WWOX: variants seen among roughly 807,000 people sequenced by gnomAD.
WWOX encodes the protein WW domain-containing oxidoreductase.
A neutral mutation model predicts 46.2 loss-of-function variants in WWOX; 69 were observed. That is an observed-to-expected ratio of 1.49 (90% CI 1.23 to 1.82). The LOEUF is 1.82. Among genes scored for constraint, WWOX ranks in the 40% most tolerant of loss-of-function variants. WWOX has a pLI of 0.00. For missense variants in WWOX, 919 were observed against 542.6 expected, an observed-to-expected ratio of 1.69 and a Z score of -6.89; for synonymous variants, 359 against 202.6, an observed-to-expected ratio of 1.77 and a Z score of -6.56.
At chr16:78,620,287 A>C (rs1416907916) in intron 8 of WWOX, among the ~76,000 whole-genome samples, 1 of 152,196 alleles carries the variant, frequency 6.6e-6, no homozygotes, top group Non-Finnish European at 1.5e-5. Context: ...GGATTGGCCC[A>C]TGGCTTTCTG....
chr16:78,216,014 C>T (rs8063888), intron 5 of WWOX, among the ~76,000 whole-genome samples: 31,113 of 151,962 alleles, frequency 0.2, 4,656 homozygotes, highest in East Asian at 0.4. Flanking sequence ...CTAACTGGCT[C>T]CTGGCAGGAC....
chr16:78,181,911 A>G (rs947453421), intron 5 of WWOX, among the ~76,000 whole-genome samples: 1 of 152,066 alleles, frequency 6.6e-6, no homozygotes, highest in Admixed American at 6.6e-5. Context: ...TAAATAGCCC[A>G]CCCCATCAAC....
intron 8 of WWOX, among the ~76,000 whole-genome samples, chr16:78,836,451 C>T (rs1254721179): frequency 6.6e-6 from 1 of 152,162 alleles, no homozygotes; most frequent in African/African-American, 2.4e-5. Context: ...ACTGTGGACC[C>T]ACCTGAAGGG....
Position 78,217,283 on chromosome 16 carries a change from G to A in WWOX, c.516+52994G>A, listed in dbSNP as rs370568172. ...CCTTGCAGGATATGTGGAGTTATCAGTTCCTAGCACCACTGGCCAAAGCGA... is the reference window on the plus strand; with the variant it reads ...CCTTGCAGGATATGTGGAGTTATCAATTCCTAGCACCACTGGCCAAAGCGA... On this transcript the variant is annotated intron_variant, in intron 5 of 8. Coordinates refer to ENST00000566780, the MANE Select transcript of WWOX (RefSeq NM_016373.4). Among the ~76,000 whole-genome samples the A allele has an allele frequency of 2.2e-3, 339 of 152,300 alleles. 1 individual carries two copies. Among genetic ancestry groups the A allele is most frequent in the African/African-American group, 7.7e-3 (322 of 41,550 alleles).
At chr16:78,947,814 C>G (rs1404452798) in intron 8 of WWOX, among the ~76,000 whole-genome samples, 1 of 152,034 alleles carries the variant, frequency 6.6e-6, no homozygotes, top group Admixed American at 6.6e-5. Flanking sequence ...GCATAAAAGC[C>G]AAAATATGTA....
intron 4 of WWOX, among the ~76,000 whole-genome samples, chr16:78,141,401 C>T (rs1256119020): frequency 2.0e-5 from 3 of 150,650 alleles, no homozygotes; most frequent in Non-Finnish European, 2.9e-5. Flanking sequence ...GATTCTAGAC[C>T]ACTGGATGTC....
intron 8 of WWOX, among the ~76,000 whole-genome samples, chr16:78,988,576 C>T (rs113025008): frequency 0.013 from 1,995 of 152,136 alleles, 59 homozygotes; most frequent in African/African-American, 0.046. Flanking sequence ...TAAACATCCC[C>T]GCCCCTTCAA....
chr16:79,131,629 A>G (rs910415034), intron 8 of WWOX, among the ~76,000 whole-genome samples: 1 of 152,280 alleles, frequency 6.6e-6, no homozygotes, highest in African/African-American at 2.4e-5. Flanking sequence ...GGAAGGATAT[A>G]TATTGAGGCT....
At chr16:78,839,195 C>G (rs868857167) in intron 8 of WWOX, among the ~76,000 whole-genome samples, 1 of 152,130 alleles carries the variant, frequency 6.6e-6, no homozygotes, top group Non-Finnish European at 1.5e-5. Context: ...CAAGTAAATT[C>G]AAATCACCCA....
rs897421077 is a variant in WWOX at position 78,217,789 on chromosome 16, G to A, written c.516+53500G>A. 3.9e-5 allele frequency among the ~76,000 whole-genome samples: 6 copies of A among 152,322 alleles called. No individual in the cohort carries two copies. The South Asian group carries it at 1.0e-3, about 26-fold the overall frequency. Reference sequence around the variant, plus strand: ...GGGGTATAGGGATAAATAATTCTGTGTGCTGTGCAGGCCGTGGAGACTCAT... The same window carrying A: ...GGGGTATAGGGATAAATAATTCTGTATGCTGTGCAGGCCGTGGAGACTCAT... On this transcript the variant is annotated intron_variant, in intron 5 of 8. Transcript: ENST00000566780.
intron 8 of WWOX, among the ~76,000 whole-genome samples, chr16:78,447,837 T>C (rs2083597843): frequency 6.6e-6 from 1 of 152,150 alleles, no homozygotes; most frequent in African/African-American, 2.4e-5. Context: ...GGAGTCTCCT[T>C]GTGTCATCCA....
chr16:78,621,119 G>A (rs1000178315), intron 8 of WWOX, among the ~76,000 whole-genome samples: 2 of 152,056 alleles, frequency 1.3e-5, no homozygotes, highest in African/African-American at 2.4e-5. Context: ...GAAAATGCTG[G>A]GTTTTAATGG....
At chr16:78,502,614 T>G (rs191690809) in intron 8 of WWOX, among the ~76,000 whole-genome samples, 15 of 152,366 alleles carry the variant, frequency 9.8e-5, no homozygotes, top group Non-Finnish European at 2.1e-4. Flanking sequence ...CTATTATGAA[T>G]AATGCTGCCA....
intron 8 of WWOX, among the ~76,000 whole-genome samples, chr16:78,464,597 A>G (rs963115559): frequency 5.3e-5 from 8 of 152,196 alleles, no homozygotes; most frequent in African/African-American, 4.8e-5. Context: ...GTTAGAGGCT[A>G]TGTCAGAAGC....
intron 4 of WWOX, among the ~76,000 whole-genome samples, chr16:78,152,144 C>A (rs533888047): frequency 6.6e-5 from 10 of 151,230 alleles, no homozygotes; most frequent in African/African-American, 2.4e-4. Context: ...GAGCCGAGAT[C>A]GCGCCACTGC....
chr16:78,928,107 A>G (rs1251886583), intron 8 of WWOX, among the ~76,000 whole-genome samples: 1 of 151,910 alleles, frequency 6.6e-6, no homozygotes, highest in Non-Finnish European at 1.5e-5. Flanking sequence ...TTTTGTCCGT[A>G]TGTATTTACA....
intron 8 of WWOX, among the ~76,000 whole-genome samples, chr16:78,493,727 A>T (rs2084843062): frequency 6.6e-6 from 1 of 152,258 alleles, no homozygotes; most frequent in South Asian, 2.1e-4. Context: ...CAACAGTCTT[A>T]CCCCCATTGT....
intron 8 of WWOX, among the ~76,000 whole-genome samples, chr16:79,173,063 T>C (rs565503970): frequency 6.6e-6 from 1 of 152,142 alleles, no homozygotes; most frequent in Non-Finnish European, 1.5e-5. Context: ...TTTCATTGCA[T>C]TGGAAAGACC....
At position 79,152,952 on chromosome 16, in the gene WWOX, C is replaced by G. The variant is rs146505300; in HGVS notation, c.1057-58656C>G. Among the ~76,000 whole-genome samples the G allele has an allele frequency of 4.4e-3, 666 of 152,166 alleles. 3 individuals carry two copies. The highest frequency in any genetic ancestry group is 0.015 in the African/African-American group (631 of 41,502). On this transcript the variant is annotated intron_variant, in intron 8 of 8. Transcript: ENST00000566780. ...AGACGGTGGAAAGAGAGGACTGCTC[C>G]TAGCGTGAGAGTGTCAGGGAAGCTT...
Sources: allele counts gnomAD v4.1 joint callset (sites outside exome capture counted in the v4.1 genomes callset), GRCh38; gene constraint gnomAD v4.1.1; transcripts MANE v1.5; gene names NCBI Gene and HGNC (gene_info 2026-07-23, HGNC 2026-07-21).